Variants in ANKRD26 observed in about 807,000 individuals in gnomAD.
ANKRD26 encodes the protein ankyrin repeat domain 26, also known as ankyrin repeat domain-containing protein 26.
A neutral mutation model predicts 208.7 loss-of-function variants in ANKRD26; 141 were observed. The observed-to-expected ratio is 0.68, with a 90% CI of 0.59 to 0.78. ANKRD26 has a LOEUF of 0.78. ANKRD26 is among the 30% of genes least tolerant of loss of function. The probability of loss-of-function intolerance (pLI) is 0.00; values close to 1 mark genes in which losing one functional copy is unlikely to be tolerated. For synonymous variants in ANKRD26, 636 were observed against 660.4 expected (o/e 0.96, Z 0.57); for missense variants, 1,889 against 1,938.7 (o/e 0.97, Z 0.48).
In ANKRD26 at chr10:27,067,269, T is replaced by C. The variant is rs754132182; in HGVS notation, c.1095A>G (p.Pro365=). ...TACCATTTTCTTTTTTTGCAATGCC[T>C]GGCTTTGTTGGTTCTTCCTATTAAA... ...PGLMKEEPTK[P]GIAKKENGID... is the part of the protein sequence containing the mutation. Residue 365 remains proline (P), a synonymous_variant, in exon 10 of 34, where the codon CCA becomes CCG. Coordinates refer to ENST00000376087, the MANE Select transcript of ANKRD26 (RefSeq NM_014915.3). 1 of 1,613,418 alleles carries C rather than the reference T, an allele frequency of 6.2e-7. No homozygotes were observed. Among genetic ancestry groups the C allele is most frequent in the South Asian group, 1.1e-5 (1 of 91,048 alleles).
intron 20 of ANKRD26, among the ~76,000 whole-genome samples, chr10:27,041,702 G>C (rs2054245082): frequency 1.3e-5 from 2 of 151,740 alleles, no homozygotes; most frequent in South Asian, 4.2e-4. Flanking sequence ...CAAAAGAAAA[G>C]ATTCATAACT....
At chr10:27,092,267 T>G (rs2056324286) in intron 4 of ANKRD26, 139 bp downstream of exon 4, 1 of 652,084 alleles carries the variant, frequency 1.5e-6, no homozygotes, top group African/African-American at 1.8e-5. Context: ...ATTTCTGACT[T>G]GAGTGAGAAA....
At position 27,092,438 on chromosome 10, in the gene ANKRD26, T is replaced by C. The variant is rs951220060; in HGVS notation, c.606A>G (p.Lys202=). The change falls in exon 4 of 34, where the codon AAA becomes AAG. Residue 202 remains lysine (K), a synonymous_variant. Coordinates refer to ENST00000376087, the MANE Select transcript of ANKRD26 (RefSeq NM_014915.3). ...QQMVEFLIKK[K]ANVNAVDKLE... The stretch of plus-strand genomic sequence containing the variant: ...ACTTATCTACTGCATTTACATTTGC[T>C]TTTTTCTTTATTAAAAATTCCACCA... 4.3e-6 allele frequency: 7 copies of C among 1,613,266 alleles called. No homozygotes were observed. In the Admixed American group the frequency reaches 1.0e-4, roughly 23 times the overall value.
chr10:27,065,395 G>T (rs12354715), intron 11 of ANKRD26, among the ~76,000 whole-genome samples: 12,920 of 152,084 alleles, frequency 0.085, 669 homozygotes, highest in African/African-American at 0.15. Flanking sequence ...CATTGGGAAG[G>T]TCTCAAGCGT....
At chr10:27,069,773 G>A (rs2055411081) in intron 9 of ANKRD26, among the ~76,000 whole-genome samples, 1 of 152,054 alleles carries the variant, frequency 6.6e-6, no homozygotes, top group East Asian at 1.9e-4. Flanking sequence ...TTTTGAAAAT[G>A]AAAAGACAAA....
chr10:27,051,200 A>G, intron 16 of ANKRD26: 1 of 1,289,824 alleles, frequency 7.8e-7, no homozygotes, highest in Non-Finnish European at 1.0e-6. Context: ...CACGTGGTGG[A>G]GAAGACCTCA....
exon 6 of ANKRD26, among the ~76,000 whole-genome samples, chr10:26,975,427 G>C (rs139672664): frequency 0.025 from 437 of 17,328 alleles, 24 homozygotes; most frequent in East Asian, 0.17. Flanking sequence ...TTTTGGTGTA[G>C]TTGAGGTCTC....
chr10:26,976,371 C>T (rs61851002), intron 5 of ANKRD26, among the ~76,000 whole-genome samples: 48 of 152,168 alleles, frequency 3.2e-4, no homozygotes, highest in African/African-American at 1.1e-3. Context: ...CCCACCACCA[C>T]GCCTGGCTAA....
chr10:27,029,701 C>T (rs3824690), intron 25 of ANKRD26, among the ~76,000 whole-genome samples: 2,513 of 152,176 alleles, frequency 0.017, 154 homozygotes, highest in East Asian at 0.16. Flanking sequence ...AATTACCTTA[C>T]GATAAGCATT....
intron 4 of ANKRD26, among the ~76,000 whole-genome samples, chr10:26,981,087 T>C (rs1301216138): frequency 2.0e-5 from 3 of 152,156 alleles, no homozygotes; most frequent in Admixed American, 6.5e-5. Flanking sequence ...AATTTGGGCA[T>C]CTCAGATGAT....
At chr10:27,039,018 A>G (rs74777821) in intron 21 of ANKRD26, among the ~76,000 whole-genome samples, 3,243 of 152,332 alleles carry the variant, frequency 0.021, 43 homozygotes, top group Middle Eastern at 0.034. Context: ...ACAGGATCTA[A>G]TATTTAAGTA....
chr10:27,036,711 C>T (rs758392109), intron 23 of ANKRD26, among the ~76,000 whole-genome samples: 2 of 152,080 alleles, frequency 1.3e-5, no homozygotes, highest in African/African-American at 2.4e-5. Context: ...TAAGATACTA[C>T]TTGCAGTAAA....
chr10:26,959,722 T>C, the ANKRD26 span, among the ~76,000 whole-genome samples: 1 of 151,890 alleles, frequency 6.6e-6, no homozygotes, highest in East Asian at 1.9e-4. Context: ...TCAAGAGATC[T>C]GTCCTCCTCA....
intron 9 of ANKRD26, among the ~76,000 whole-genome samples, chr10:27,071,029 T>G (rs2055467265): frequency 6.6e-6 from 1 of 152,210 alleles, no homozygotes; most frequent in Non-Finnish European, 1.5e-5. Flanking sequence ...ATAGGTAGTT[T>G]ATTTTAGAAA....
intron 6 of ANKRD26, 68 bp from the exon 7 acceptor site, chr10:27,079,229 C>A (rs1363946252): frequency 2.2e-6 from 3 of 1,390,506 alleles, no homozygotes; most frequent in Non-Finnish European, 3.1e-6. Flanking sequence ...AACCAGCTTA[C>A]AATTTTCAAT....
At chr10:27,015,036 T>A (rs2053243607) in intron 30 of ANKRD26, among the ~76,000 whole-genome samples, 1 of 152,066 alleles carries the variant, frequency 6.6e-6, no homozygotes, top group Non-Finnish European at 1.5e-5. Context: ...AAATAAAAAA[T>A]TATAATTGGT....
chr10:27,047,305 A>G (rs113639861), intron 17 of ANKRD26, among the ~76,000 whole-genome samples: 1,760 of 152,220 alleles, frequency 0.012, 38 homozygotes, highest in African/African-American at 0.04. Context: ...CAATATTCTG[A>G]TTAGTTATGA....
the ANKRD26 span, among the ~76,000 whole-genome samples, chr10:26,963,406 G>T: frequency 6.6e-6 from 1 of 152,230 alleles, no homozygotes; most frequent in Non-Finnish European, 1.5e-5. Flanking sequence ...GACTGTAAAT[G>T]TGAATCTGCT....
At chr10:27,044,093 C>T in intron 19 of ANKRD26, 64 bp downstream of exon 19, 1 of 1,199,692 alleles carries the variant, frequency 8.3e-7, no homozygotes, top group Non-Finnish European at 1.1e-6. Flanking sequence ...TGTGCCCAGC[C>T]CACTTTATCT....
Sources: allele counts gnomAD v4.1 joint callset (sites outside exome capture counted in the v4.1 genomes callset), GRCh38; gene constraint gnomAD v4.1.1; transcripts MANE v1.5; gene names NCBI Gene and HGNC (gene_info 2026-07-23, HGNC 2026-07-21).